CARD19: variants seen among roughly 807,000 people sequenced by gnomAD.
CARD19 encodes caspase recruitment domain family member 19.
A neutral mutation model predicts 24.1 loss-of-function variants in CARD19; 25 were observed. The observed-to-expected ratio is 1.04, with a 90% CI of 0.76 to 1.45. The LOEUF is 1.45. Among genes scored for constraint, CARD19 ranks in the 40% most tolerant of loss-of-function variants. The pLI, the probability that CARD19 is intolerant of heterozygous loss-of-function variation, is 0.00. For synonymous variants in CARD19, 103 were observed against 104.9 expected, an observed-to-expected ratio of 0.98 and a Z score of 0.11; for missense variants, 241 against 247.4, an observed-to-expected ratio of 0.97 and a Z score of 0.17.
chr9:93,107,767 A>G lies in CARD19; in HGVS notation c.101A>G (p.Gln34Arg). 6.2e-7 allele frequency: 1 copy of G among 1,614,208 alleles called. No homozygotes were observed. The highest frequency in any genetic ancestry group is 1.6e-4 in the Middle Eastern group (1 of 6,062). The change falls in exon 2 of 6, where the codon CAG (glutamine) becomes CGG (arginine). Residue 34 changes from glutamine to arginine, a missense_variant. Transcript: ENST00000375464. ...CAGCAGGTGGACAGGATCATCCTCC[A>G]GCTGAACCGTTACTACCCACAGATC... ...SEQQVDRIIL[Q>R]LNRYYPQILT...
intron 2 of CARD19, among the ~76,000 whole-genome samples, chr9:93,109,610 A>G (rs1827385960): frequency 6.6e-6 from 1 of 151,782 alleles, no homozygotes; most frequent in Non-Finnish European, 1.5e-5. Flanking sequence ...GGGATTAAAC[A>G]TGCACCATCA....
rs1434490847 is a variant in CARD19, at chr9:93,101,199, C to A, written c.7+4847C>A. ...TTCAAGTGATTCTCGTGCCTCAGCCCCCTGAGTAGCTGGCACTACAGGCGA... is the reference window on the plus strand; with the variant it reads ...TTCAAGTGATTCTCGTGCCTCAGCCACCTGAGTAGCTGGCACTACAGGCGA... On this transcript the variant is annotated intron_variant, in intron 1 of 5. Coordinates refer to ENST00000375464, the MANE Select transcript of CARD19 (RefSeq NM_032310.5). Among the ~76,000 whole-genome samples, 5 of 151,024 alleles carry A rather than the reference C, an allele frequency of 3.3e-5. No homozygotes were observed. The South Asian group carries it at 1.1e-3, about 32-fold the overall frequency.
At chr9:93,099,960 T>C (rs1827017925) in intron 1 of CARD19, among the ~76,000 whole-genome samples, 1 of 152,224 alleles carries the variant, frequency 6.6e-6, no homozygotes, top group African/African-American at 2.4e-5. Flanking sequence ...TCTCTGGGGT[T>C]AAGGATACGT....
intron 1 of CARD19, among the ~76,000 whole-genome samples, chr9:93,100,146 CT>C (rs1274712564): frequency 6.6e-6 from 1 of 152,202 alleles, no homozygotes; most frequent in African/African-American, 2.4e-5. Flanking sequence ...AGCATGGCTG[CT>C]TTTGGGGTGG....
rs1826892981 is a variant in CARD19 at position 93,096,974 on chromosome 9, T to G, written c.7+622T>G. The stretch of plus-strand genomic sequence containing the variant: ...ACTGGACCCCCCAAGGTTGTTGTGC[T>G]CCACGCTAGTGGCCCCAGCCCAGCC... On this transcript the variant is annotated intron_variant, in intron 1 of 5. Transcript: ENST00000375464. This position sits in a 1 kb window ranked among gnomAD's most constrained non-coding sequence, Gnocchi z 5.4. Among the ~76,000 whole-genome samples the G allele has an allele frequency of 6.6e-6, 1 of 152,126 alleles. No individual in the cohort carries two copies. The highest frequency in any genetic ancestry group is 2.4e-5 in the African/African-American group (1 of 41,420).
Position 93,107,853 on chromosome 9 carries a change from T to C in CARD19, c.150+37T>C, listed in dbSNP as rs778482832. ...GTGAGGGGGGTACCCGAGACACTGC[T>C]CAGTTTCCCTTCCTTTCTGGGCTGG... On this transcript the variant is annotated intron_variant, in intron 2 of 5. Transcript: ENST00000375464. The C allele has an allele frequency of 5.6e-6, 9 of 1,613,042 alleles. No individual in the cohort carries two copies. In the African/African-American group the frequency reaches 1.1e-4, roughly 19 times the overall value.
chr9:93,101,882 A>G (rs1827096506), intron 1 of CARD19, among the ~76,000 whole-genome samples: 1 of 151,858 alleles, frequency 6.6e-6, no homozygotes, highest in African/African-American at 2.4e-5. Flanking sequence ...ATATTAATAT[A>G]TAGCTATCCT....
At position 93,111,928 on chromosome 9, in the gene CARD19, G is replaced by A. The variant is rs564169498; in HGVS notation, c.354G>A (p.Leu118=). Residue 118 remains leucine, a synonymous_variant, in exon 4 of 6, where the codon CTG becomes CTA. Transcript: ENST00000375464. ...ACTCGGGCAGCCAGAGCGGCGAGCT[G>A]AGTAACAGGGGTAACACCTCCCTGC... ...ELDSGSQSGE[L]SNRGPMSFLA... is the part of the protein sequence containing the mutation. The A allele has an allele frequency of 1.3e-4, 216 of 1,611,354 alleles. 2 individuals are homozygous for A. In the East Asian group the frequency reaches 4.4e-3, roughly 33 times the overall value.
At chr9:93,111,078 G>C (rs1270098769) in intron 3 of CARD19, 9 of 1,332,266 alleles carry the variant, frequency 6.8e-6, no homozygotes, top group Non-Finnish European at 8.8e-6. Context: ...CAGCAACCTT[G>C]TTCCCACAGC....
At chr9:93,104,719 C>T (rs189818577) in intron 1 of CARD19, among the ~76,000 whole-genome samples, 6 of 152,220 alleles carry the variant, frequency 3.9e-5, no homozygotes, top group South Asian at 2.1e-4. Flanking sequence ...ATTTTATTTA[C>T]GTTATCCAAT....
intron 1 of CARD19, among the ~76,000 whole-genome samples, chr9:93,105,710 A>G (rs1175077010): frequency 3.3e-5 from 5 of 152,158 alleles, no homozygotes; most frequent in Admixed American, 3.3e-4. Flanking sequence ...ATTAAAGCTT[A>G]TTTTGTGGCT....
chr9:93,106,829 G>A (rs1472379967), intron 1 of CARD19, among the ~76,000 whole-genome samples: 1 of 152,120 alleles, frequency 6.6e-6, no homozygotes, highest in Non-Finnish European at 1.5e-5. Context: ...AGGACAAGCT[G>A]CCACAAGTAT....
At chr9:93,108,769 G>A (rs1374093489) in intron 2 of CARD19, among the ~76,000 whole-genome samples, 2 of 152,254 alleles carry the variant, frequency 1.3e-5, no homozygotes, top group Non-Finnish European at 2.9e-5. Context: ...ACATGGCCCT[G>A]GCCTCTCAGA....
chr9:93,112,058 C>A (rs1461888670), intron 4 of CARD19, 120 bp downstream of exon 4: 5 of 1,411,356 alleles, frequency 3.5e-6, no homozygotes, highest in Non-Finnish European at 4.8e-6. Flanking sequence ...CCATTCCTGG[C>A]CTTCTGTTGG....
chr9:93,106,873 G>A (rs1350700197), intron 1 of CARD19, among the ~76,000 whole-genome samples: 1 of 152,068 alleles, frequency 6.6e-6, no homozygotes, highest in Non-Finnish European at 1.5e-5. Context: ...CCCTGTGGGG[G>A]TCCTGTGCCC....
At chr9:93,111,030 A>G (rs1347138732) in intron 3 of CARD19, 1 of 1,430,146 alleles carries the variant, frequency 7.0e-7, no homozygotes, top group Non-Finnish European at 9.3e-7. Flanking sequence ...TTCCTTTTCT[A>G]ACCTCATTCC....
intron 5 of CARD19, 105 bp from the exon 6 acceptor site, chr9:93,112,887 C>T (rs1401920383): frequency 2.8e-6 from 2 of 703,726 alleles, no homozygotes; most frequent in African/African-American, 3.6e-5. Flanking sequence ...GAGGGAGCAC[C>T]CTGTCCCAGT....
Position 93,113,016 on chromosome 9 carries a change from G to A in CARD19, c.461G>A (p.Arg154Gln), listed in dbSNP as rs966453829. 5.6e-6 allele frequency: 9 copies of A among 1,609,306 alleles called. No homozygotes were observed. Among genetic ancestry groups the A allele is most frequent in the South Asian group, 1.1e-5 (1 of 90,016 alleles). The change falls in exon 6 of 6, where the codon CGG becomes CAG. Residue 154 changes from arginine (R) to glutamine (Q), a missense_variant. By Grantham distance (43) the Arg-to-Gln change is conservative (BLOSUM62 1). Transcript: ENST00000375464. Reference sequence around the variant, plus strand: ...GACCCCAAGGGCCTGCCAGGGACCCGGCGCGTCCTCGGTTTCTCGCCTGTC... The same window carrying A: ...GACCCCAAGGGCCTGCCAGGGACCCAGCGCGTCCTCGGTTTCTCGCCTGTC... The part of the protein sequence containing the change: ...PPDPKGLPGT[R>Q]RVLGFSPVII...
At chr9:93,112,532 G>A (rs1026517284) in intron 5 of CARD19, among the ~76,000 whole-genome samples, 28 of 152,342 alleles carry the variant, frequency 1.8e-4, no homozygotes, top group African/African-American at 6.0e-4. Flanking sequence ...GGGAGGAGGG[G>A]TGCAGCCAGG....
Sources: allele counts gnomAD v4.1 joint callset (sites outside exome capture counted in the v4.1 genomes callset), GRCh38; gene constraint gnomAD v4.1.1; non-coding constraint Gnocchi (gnomAD v3.1); transcripts MANE v1.5; gene names NCBI Gene and HGNC (gene_info 2026-07-23, HGNC 2026-07-21).